SCN1A: variants seen among roughly 807,000 people sequenced by gnomAD.
SCN1A encodes sodium channel protein type 1 subunit alpha.
Under a neutral mutation model 193.7 loss-of-function variants are expected in SCN1A, and 13 were observed. The observed-to-expected ratio is 0.07, with a 90% CI of 0.04 to 0.11. SCN1A has a LOEUF of 0.11. Ranked by LOEUF, SCN1A falls within the 10% of genes least tolerant of loss-of-function variation. The pLI is 1.00. For missense variants in SCN1A, 1,432 were observed against 2,451.1 expected (o/e 0.58, Z 8.78); for synonymous variants, 781 against 843.6 (o/e 0.93, Z 1.29).
At chr2:166,075,176 A>G (rs912449227) in intron 3 of SCN1A, 1 of 152,124 alleles carries the variant, frequency 6.6e-6, no homozygotes, top group African/African-American at 2.4e-5. Context: ...ATGTATATAT[A>G]TAGTTTTTAT....
At chr2:166,013,702 C>G (rs746330975) in intron 21 of SCN1A, 42 bp downstream of exon 21, 2 of 1,586,120 alleles carry the variant, frequency 1.3e-6, no homozygotes, top group Non-Finnish European at 1.7e-6. Context: ...TTAGAGTGTT[C>G]TAAAAATTAG....
chr2:166,005,459 C>A (rs977792722), intron 23 of SCN1A, among the ~76,000 whole-genome samples: 1 of 151,296 alleles, frequency 6.6e-6, no homozygotes, highest in Non-Finnish European at 1.5e-5. Flanking sequence ...GAATTTATGA[C>A]GCAAGCATGT....
intron 23 of SCN1A, among the ~76,000 whole-genome samples, chr2:166,006,365 C>G (rs1574023859): frequency 6.6e-6 from 1 of 151,112 alleles, no homozygotes; most frequent in African/African-American, 2.4e-5. Context: ...AACTCTTCTT[C>G]TTGTATAATA....
At chr2:166,079,043 GACTT>G (rs1264161194) in intron 2 of SCN1A, among the ~76,000 whole-genome samples, 1 of 151,432 alleles carries the variant, frequency 6.6e-6, no homozygotes, top group Non-Finnish European at 1.5e-5. Flanking sequence ...TTTTTAAAAT[GACTT>G]TTCTAAGAAC....
chr2:166,000,343 T>C (rs13429560), intron 24 of SCN1A, among the ~76,000 whole-genome samples: 45,236 of 151,710 alleles, frequency 0.3, 7,874 homozygotes, highest in Non-Finnish European at 0.4. Flanking sequence ...TCAAAACATT[T>C]AGAAATAACC....
chr2:166,127,278 T>C (rs756217401), intron 1 of SCN1A, among the ~76,000 whole-genome samples: 5 of 152,186 alleles, frequency 3.3e-5, no homozygotes, highest in African/African-American at 7.2e-5. Flanking sequence ...GGAAGCTGAA[T>C]ACCCCTGCAA....
chr2:166,146,314 G>A (rs575127210), intron 1 of SCN1A, among the ~76,000 whole-genome samples: 1 of 152,218 alleles, frequency 6.6e-6, no homozygotes, highest in African/African-American at 2.4e-5. Flanking sequence ...TTATACCTGA[G>A]TTATACAAGT....
chr2:166,134,767 A>ATTT (rs1482485000), intron 1 of SCN1A, among the ~76,000 whole-genome samples: 1 of 152,196 alleles, frequency 6.6e-6, no homozygotes, highest in Non-Finnish European at 1.5e-5. Flanking sequence ...CATTTATATG[A>ATTT]TGGTTATCTG....
Position 166,067,644 on chromosome 2 carries a change from G to T in SCN1A, c.264+5714C>A, listed in dbSNP as rs115484960. Among the ~76,000 whole-genome samples, 1,080 of 148,908 alleles carry T rather than the reference G, an allele frequency of 7.3e-3. 19 individuals are homozygous for T. Among genetic ancestry groups the T allele is most frequent in the African/African-American group, 0.025 (1,035 of 40,672 alleles). ...AAGAGCTATCTTGAAAGAATCTGTG[G>T]ATTAAAAAAGAACAGTAATTATACT... is the stretch of plus-strand genomic sequence containing the variant. On this transcript the variant is annotated intron_variant, in intron 4 of 28. Transcript: ENST00000674923.
intron 2 of SCN1A, among the ~76,000 whole-genome samples, chr2:166,119,081 A>G (rs991048706): frequency 6.6e-6 from 1 of 152,192 alleles, no homozygotes; most frequent in African/African-American, 2.4e-5. Flanking sequence ...CTGATCTGAC[A>G]GGAGGCGGAG....
chr2:166,074,521 G>A (rs1040847289), intron 3 of SCN1A, among the ~76,000 whole-genome samples: 7 of 152,154 alleles, frequency 4.6e-5, no homozygotes, highest in African/African-American at 1.7e-4. Flanking sequence ...TGATTCTATA[G>A]TCCTATAGTG....
At position 166,036,513 on chromosome 2, in the gene SCN1A, C is replaced by T. The variant is rs2105797547; in HGVS notation, c.2964G>A (p.Leu988=). The change falls in exon 19 of 29, where the codon CTG becomes CTA. Residue 988 remains leucine (L), a synonymous_variant. Transcript: ENST00000674923. ...IGNLVVLNLF[L]ALLLSSFSAD... is the part of the protein sequence containing the mutation. ...CACTAAATGAGCTCAGAAGCAAGGC[C>T]AGAAAGAGATTCAGGACCTTAAAAA... 6.2e-7 allele frequency: 1 copy of T among 1,613,600 alleles called. No individual in the cohort carries two copies. The highest frequency in any genetic ancestry group is 2.2e-5 in the East Asian group (1 of 44,838).
intron 2 of SCN1A, among the ~76,000 whole-genome samples, chr2:166,123,223 CAAAAAAAAAAAAAA>C (rs57488795): frequency 2.4e-4 from 28 of 116,396 alleles, no homozygotes; most frequent in African/African-American, 8.6e-4. Flanking sequence ...CATTCATTTG[CAAAAAAAAAAAAAA>C]AAAAAAAAAA....
intron 2 of SCN1A, among the ~76,000 whole-genome samples, chr2:166,119,134 G>A (rs1287304917): frequency 2.0e-5 from 3 of 152,186 alleles, no homozygotes; most frequent in East Asian, 3.9e-4. Flanking sequence ...ACCTCCTACT[G>A]TGCGACCCAG....
At chr2:166,027,171 T>C (rs920238495) in intron 19 of SCN1A, 1 of 152,328 alleles carries the variant, frequency 6.6e-6, no homozygotes, top group East Asian at 1.9e-4. Flanking sequence ...ATATGAAGCA[T>C]CCACTTTGCC....
chr2:166,105,916 G>C (rs568527940), intron 2 of SCN1A, among the ~76,000 whole-genome samples: 1 of 152,194 alleles, frequency 6.6e-6, no homozygotes. Flanking sequence ...GGCCGGGCGC[G>C]GTGGCTCACG....
rs138503389 is a variant in SCN1A at position 166,087,164 on chromosome 2, T to TG, written c.-141-9364dup. ...TCTGTTAGTTCTCATGAGAACTGGT[T>TG]GAAAAAAAAAAAAAAAGAGCAGCCT... On this transcript the variant is annotated intron_variant, in intron 2 of 28. Transcript: ENST00000674923. Among the ~76,000 whole-genome samples the TG allele has an allele frequency of 8.8e-3, 1,289 of 146,412 alleles. 17 individuals carry two copies. The highest frequency in any genetic ancestry group is 0.031 in the African/African-American group (1,213 of 39,652).
At chr2:166,053,010 G>A (rs2105895764) in intron 7 of SCN1A, 67 bp from the exon 8 acceptor site, 1 of 1,441,364 alleles carries the variant, frequency 6.9e-7, no homozygotes, top group Admixed American at 1.7e-5. Flanking sequence ...GGTACAAAGA[G>A]CCTATCCTTT....
intron 2 of SCN1A, among the ~76,000 whole-genome samples, chr2:166,115,167 G>C (rs1689713527): frequency 6.6e-6 from 1 of 152,038 alleles, no homozygotes; most frequent in African/African-American, 2.4e-5. Flanking sequence ...AGACCAGCCT[G>C]GTCAACATGA....
Sources: allele counts gnomAD v4.1 joint callset (sites outside exome capture counted in the v4.1 genomes callset), GRCh38; gene constraint gnomAD v4.1.1; transcripts MANE v1.5; gene names NCBI Gene and HGNC (gene_info 2026-07-23, HGNC 2026-07-21).